Variants in CPT1A observed in about 807,000 individuals in gnomAD.
The protein encoded by CPT1A is carnitine palmitoyltransferase 1A, also known as carnitine O-palmitoyltransferase 1, liver isoform.
A neutral mutation model predicts 100.8 loss-of-function variants in CPT1A; 64 were observed. That is an observed-to-expected ratio of 0.63 (90% confidence interval 0.52 to 0.78). CPT1A has a LOEUF of 0.78. Ranked by LOEUF, CPT1A falls within the 30% of genes least tolerant of loss-of-function variation. The pLI, the probability that CPT1A is intolerant of heterozygous loss-of-function variation, is 0.00. For synonymous variants in CPT1A, 363 were observed against 396.0 expected (o/e 0.92, Z 0.99); for missense variants, 802 against 1,034.1 (o/e 0.78, Z 3.08).
At chr11:68,760,160 T>C (rs906668809) in intron 17 of CPT1A, 65 bp downstream of exon 17, 34 of 1,166,756 alleles carry the variant, frequency 2.9e-5, no homozygotes, top group Non-Finnish European at 4.0e-5. Flanking sequence ...GATGGGCCCA[T>C]CACACCCCAT....
chr11:68,800,611 A>C (rs554467171), intron 5 of CPT1A, among the ~76,000 whole-genome samples: 1 of 151,772 alleles, frequency 6.6e-6, no homozygotes, highest in East Asian at 1.9e-4. Flanking sequence ...AGCTGCAGTG[A>C]GCCATGATCA....
At position 68,797,205 on chromosome 11, in the gene CPT1A, C is replaced by T. The variant is rs7925592; in HGVS notation, c.694-272G>A. On this transcript the variant is annotated intron_variant, in intron 6 of 18. Transcript: ENST00000265641. ...ATGGTTCAAAAGGGAAATAAAAAGC[C>T]GAAGTGGGAGGATTGCTTGAGACCA... Among the ~76,000 whole-genome samples, 12,900 of 152,034 alleles carry T rather than the reference C, an allele frequency of 0.085. 648 individuals carry two copies. The highest frequency in any genetic ancestry group is 0.11 in the Non-Finnish European group (7,212 of 67,992).
chr11:68,834,222 A>C (rs939919462), intron 1 of CPT1A, among the ~76,000 whole-genome samples: 2 of 152,098 alleles, frequency 1.3e-5, no homozygotes, highest in African/African-American at 4.8e-5. Context: ...GGATCACCTG[A>C]GGTCAGGAGT....
intron 14 of CPT1A, among the ~76,000 whole-genome samples, chr11:68,771,723 T>G (rs1854995549): frequency 6.6e-6 from 1 of 152,216 alleles, no homozygotes; most frequent in Non-Finnish European, 1.5e-5. Context: ...ATATTAACAC[T>G]GCCTCTTACT....
At chr11:68,833,764 C>T (rs1856940701) in intron 1 of CPT1A, among the ~76,000 whole-genome samples, 1 of 152,080 alleles carries the variant, frequency 6.6e-6, no homozygotes, top group Non-Finnish European at 1.5e-5. Flanking sequence ...AAATTGTTTC[C>T]CAAACCTGAT....
intron 10 of CPT1A, among the ~76,000 whole-genome samples, chr11:68,784,599 A>G (rs556037037): frequency 3.9e-5 from 6 of 151,954 alleles, no homozygotes; most frequent in South Asian, 2.1e-4. Flanking sequence ...GTTTCCACAC[A>G]CATTTGCCTG....
At chr11:68,806,116 A>G (rs751718233) in intron 4 of CPT1A, among the ~76,000 whole-genome samples, 3 of 151,932 alleles carry the variant, frequency 2.0e-5, no homozygotes, top group Non-Finnish European at 4.4e-5. Context: ...CCTGGGCTCA[A>G]GCATTCCTCC....
chr11:68,818,131 A>G (rs1016500252), intron 1 of CPT1A, among the ~76,000 whole-genome samples: 5 of 152,134 alleles, frequency 3.3e-5, no homozygotes, highest in African/African-American at 1.2e-4. Flanking sequence ...GTCTTCCAGG[A>G]AGGTGCATGG....
upstream of CPT1A, chr11:68,842,039 G>C (rs1373025579): frequency 2.2e-6 from 2 of 896,188 alleles, no homozygotes; most frequent in African/African-American, 1.8e-5. Flanking sequence ...ACTGAGGCTC[G>C]AGCGGGTGCT....
chr11:68,842,105 G>A (rs982973521), upstream of CPT1A, among the ~76,000 whole-genome samples: 1 of 152,140 alleles, frequency 6.6e-6, no homozygotes, highest in Admixed American at 6.5e-5. Context: ...CACCCTCCGA[G>A]CCTCAGTTTC....
Position 68,775,449 on chromosome 11 carries a change from A to G in CPT1A, c.1459-17T>C, listed in dbSNP as rs750785044. ...CATGACGTACTGTCAAAAATAGAAC[A>G]AAATTATTAAAACTAACAGTGGTAC... On this transcript the variant is annotated splice_polypyrimidine_tract_variant and intron_variant, in intron 12 of 18. Coordinates refer to ENST00000265641, the MANE Select transcript of CPT1A (RefSeq NM_001876.4). 1.3e-6 allele frequency: 2 copies of G among 1,571,762 alleles called. No homozygotes were observed. The highest frequency in any genetic ancestry group is 1.3e-5 in the African/African-American group (1 of 74,104).
rs781067780 is a variant in CPT1A, at chr11:68,773,297, C to G, written c.1708G>C (p.Val570Leu). 2.5e-6 allele frequency: 4 copies of G among 1,613,996 alleles called. 1 individual carries two copies. Among genetic ancestry groups the G allele is most frequent in the Admixed American group, 3.3e-5 (2 of 59,986 alleles). Residue 570 changes from valine (V) to leucine (L), a missense_variant, in exon 14 of 19, where the codon GTG becomes CTG. Physicochemically the swap from Val to Leu is conservative, Grantham distance 32. Coordinates refer to ENST00000265641, the MANE Select transcript of CPT1A (RefSeq NM_001876.4). ...TGCGCCAGCTGGAGGGCCAGCTGCA[C>G]AAAGGCGTCTGGGCTCGTGCGACAT... ...KKCRTSPDAF[V>L]QLALQLAHYK...
Position 68,761,621 on chromosome 11 carries a change from T to C in CPT1A, c.1942A>G (p.Met648Val), listed in dbSNP as rs755128170. 6.2e-7 allele frequency: 1 copy of C among 1,614,132 alleles called. No homozygotes were observed. Among genetic ancestry groups the C allele is most frequent in the Admixed American group, 1.7e-5 (1 of 60,006 alleles). ...TGACGATCGATCCCAGAGCCGGTCATGGCGAGGCGATACATATGCTGATGC... is the reference window on the plus strand; with the variant it reads ...TGACGATCGATCCCAGAGCCGGTCACGGCGAGGCGATACATATGCTGATGC... ...EKHQHMYRLA[M>V]TGSGIDRHLF... The change falls in exon 16 of 19, where the codon ATG becomes GTG. Residue 648 changes from methionine to valine, a missense_variant. By Grantham distance (21) the Met-to-Val change is conservative. This residue lies in a region of CPT1A where 627 missense variants were observed against 799.3 expected (regional missense o/e 0.78). Coordinates refer to ENST00000265641, the MANE Select transcript of CPT1A (RefSeq NM_001876.4).
rs185365037 is a variant in CPT1A at position 68,772,089 on chromosome 11, C to T, written c.1740+1176G>A. Among the ~76,000 whole-genome samples the T allele has an allele frequency of 2.6e-3, 395 of 152,308 alleles. 1 individual carries two copies. Among genetic ancestry groups the T allele is most frequent in the East Asian group, 0.015 (79 of 5,178 alleles). On this transcript the variant is annotated intron_variant, in intron 14 of 18. Coordinates refer to ENST00000265641, the MANE Select transcript of CPT1A (RefSeq NM_001876.4). ...ATACAAGGCTGGGCACGGTGGCTCA[C>T]GCCTATAATCCCAGCACTTTGGGAG... is the stretch of plus-strand genomic sequence containing the variant.
intron 1 of CPT1A, among the ~76,000 whole-genome samples, chr11:68,819,150 C>A (rs1856511514): frequency 6.6e-6 from 1 of 152,184 alleles, no homozygotes. Context: ...GCCATCTCAG[C>A]TCACTGCAAC....
intron 3 of CPT1A, among the ~76,000 whole-genome samples, chr11:68,808,229 G>A (rs1856102687): frequency 6.6e-6 from 1 of 152,134 alleles, no homozygotes; most frequent in Admixed American, 6.6e-5. Flanking sequence ...TTTGACTTAG[G>A]TGTATTTAAC....
intron 9 of CPT1A, chr11:68,785,981 C>T (rs1250650095): frequency 8.6e-6 from 6 of 701,574 alleles, no homozygotes; most frequent in Admixed American, 8.0e-5. Flanking sequence ...TTATCAAGTC[C>T]TCTTAAGCAC....
chr11:68,792,300 G>A (rs1285379884), intron 9 of CPT1A, among the ~76,000 whole-genome samples: 1 of 152,050 alleles, frequency 6.6e-6, no homozygotes, highest in Non-Finnish European at 1.5e-5. Flanking sequence ...TCGCGCCACT[G>A]CACTCCAGCC....
intron 14 of CPT1A, among the ~76,000 whole-genome samples, chr11:68,766,630 T>C (rs1292518664): frequency 6.6e-6 from 1 of 151,906 alleles, no homozygotes; most frequent in Non-Finnish European, 1.5e-5. Context: ...GGATTACAGG[T>C]ACCTGCCACC....
Sources: allele counts gnomAD v4.1 joint callset (sites outside exome capture counted in the v4.1 genomes callset), GRCh38; gene constraint gnomAD v4.1.1; regional missense constraint gnomAD v4.1.1; transcripts MANE v1.5; gene names NCBI Gene and HGNC (gene_info 2026-07-23, HGNC 2026-07-21).